Variants in EPS15L1 observed in about 807,000 individuals in gnomAD.
The protein encoded by EPS15L1 is epidermal growth factor receptor substrate 15-like 1.
A neutral mutation model predicts 117.1 loss-of-function variants in EPS15L1; 43 were observed. That is an observed-to-expected ratio of 0.37 (90% CI 0.29 to 0.47). EPS15L1 has a LOEUF of 0.47. Ranked by LOEUF, EPS15L1 falls within the 20% of genes least tolerant of loss-of-function variation. EPS15L1 has a pLI of 0.99. For missense variants in EPS15L1, 981 were observed against 1,164.0 expected (o/e 0.84, Z 2.29); for synonymous variants, 459 against 470.5 (o/e 0.98, Z 0.32).
chr19:16,420,125 G>A (rs1418077912), intron 10 of EPS15L1, among the ~76,000 whole-genome samples: 2 of 152,210 alleles, frequency 1.3e-5, no homozygotes, highest in East Asian at 1.9e-4. Context: ...CCAGCCACTC[G>A]CAGACACATC....
At chr19:16,401,496 G>C in intron 16 of EPS15L1, 1 of 985,782 alleles carries the variant, frequency 1.0e-6, no homozygotes, top group Non-Finnish European at 1.2e-6. Context: ...GCTGCTGGAG[G>C]CAGCAGAGCA....
At chr19:16,441,422 A>T in intron 3 of EPS15L1, 1 of 185,562 alleles carries the variant, frequency 5.4e-6, no homozygotes, top group South Asian at 9.6e-5. Context: ...CAGTGAGCTG[A>T]GATCACGCTA....
chr19:16,423,174 G>C (rs2092834787), intron 9 of EPS15L1, among the ~76,000 whole-genome samples: 1 of 152,174 alleles, frequency 6.6e-6, no homozygotes, highest in Non-Finnish European at 1.5e-5. Context: ...TGGGAAACAA[G>C]GGATACCATG....
Position 16,440,870 on chromosome 19 carries a change from C to G in EPS15L1, c.205G>C (p.Asp69His). The G allele has an allele frequency of 6.2e-7, 1 of 1,614,124 alleles. No homozygotes were observed. The highest frequency in any genetic ancestry group is 8.5e-7 in the Non-Finnish European group (1 of 1,180,010). ...LADPEGKGFL[D>H]KQGFYVALRL... The stretch of plus-strand genomic sequence containing the variant: ...TGTACATGTGTATATACCTGTTTGT[C>G]CAAGAACCCTTTACCTTCTGGATCG... Residue 69 changes from aspartate (D) to histidine (H), a missense_variant, in exon 4 of 24, where the codon GAC (aspartate) becomes CAC (histidine). Transcript: ENST00000455140.
chr19:16,439,326 TA>T (rs2145061788), intron 4 of EPS15L1, among the ~76,000 whole-genome samples: 1 of 152,100 alleles, frequency 6.6e-6, no homozygotes, highest in South Asian at 2.1e-4. Context: ...AAAAAGGAAT[TA>T]AGTAAGTTTA....
chr19:16,427,052 T>C (rs1207525824), intron 8 of EPS15L1, among the ~76,000 whole-genome samples: 1 of 152,028 alleles, frequency 6.6e-6, no homozygotes, highest in Non-Finnish European at 1.5e-5. Flanking sequence ...CAGGAAAACT[T>C]CGTGCAGCAG....
chr19:16,403,818 T>G lies in EPS15L1; in HGVS notation c.1541A>C (p.Gln514Pro), dbSNP rs1250956964. 1 of 1,614,160 alleles carries G rather than the reference T, an allele frequency of 6.2e-7. No homozygotes were observed. The highest frequency in any genetic ancestry group is 1.7e-5 in the Admixed American group (1 of 60,028). Residue 514 changes from glutamine (Q) to proline (P), a missense_variant, in exon 15 of 24, where the codon CAG (glutamine) becomes CCG (proline). Around this residue, in one of 5 missense-constraint regions of EPS15L1, gnomAD observed 819 missense variants for 949.0 expected, o/e 0.86. Transcript: ENST00000455140. ...ELNRLQQEET[Q>P]LEQSIQAGRV... ...CCCAGCCTGAATGCTCTGCTCCAGCTGGGTTTCCTCCTGCTGCAATCGGTT... is the reference window on the plus strand; with the variant it reads ...CCCAGCCTGAATGCTCTGCTCCAGCGGGGTTTCCTCCTGCTGCAATCGGTT...
intron 19 of EPS15L1, among the ~76,000 whole-genome samples, chr19:16,391,898 G>A (rs992937207): frequency 2.0e-5 from 3 of 152,062 alleles, no homozygotes; most frequent in African/African-American, 4.8e-5. Context: ...TACAAGGACC[G>A]TGCAGGGTGG....
At chr19:16,429,876 C>T (rs1364799088) in intron 7 of EPS15L1, among the ~76,000 whole-genome samples, 1 of 152,256 alleles carries the variant, frequency 6.6e-6, no homozygotes, top group Non-Finnish European at 1.5e-5. Context: ...GCACTACTGC[C>T]TGTTAGGGCT....
rs2092722828 is a variant in EPS15L1, at chr19:16,413,055, T to G, written c.1266+718A>C. Reference sequence around the variant, plus strand: ...GCAGAAACAGACCCGCGCCGGCCAGTGCACCAGGTTCAAGGCGTTTGTTGC... The same window carrying G: ...GCAGAAACAGACCCGCGCCGGCCAGGGCACCAGGTTCAAGGCGTTTGTTGC... On this transcript the variant is annotated intron_variant, in intron 13 of 23. Transcript: ENST00000455140. The G allele has an allele frequency of 4.1e-6, 3 of 725,244 alleles. No homozygotes were observed. In the South Asian group the frequency reaches 4.3e-5, roughly 10 times the overall value. The allele number at this position is 725,244 out of a possible 1,614,324, so 44.9% of individuals were successfully genotyped here.
At chr19:16,437,272 A>G (rs1599648380) in intron 5 of EPS15L1, among the ~76,000 whole-genome samples, 1 of 152,232 alleles carries the variant, frequency 6.6e-6, no homozygotes, top group East Asian at 1.9e-4. Context: ...CCACATGTCC[A>G]GAGAGATGAA....
intron 22 of EPS15L1, among the ~76,000 whole-genome samples, chr19:16,368,368 CAGG>C (rs2092169219): frequency 6.6e-6 from 1 of 152,212 alleles, no homozygotes; most frequent in African/African-American, 2.4e-5. Flanking sequence ...TCCTACACAA[CAGG>C]AGATGGCTAC....
At chr19:16,360,607 C>T (rs144985965) in intron 23 of EPS15L1, among the ~76,000 whole-genome samples, 4 of 151,910 alleles carry the variant, frequency 2.6e-5, no homozygotes, top group South Asian at 2.1e-4. Flanking sequence ...ATTAGCCTTG[C>T]GTGGTGTTGC....
chr19:16,469,678 G>T (rs2093331935), intron 1 of EPS15L1, among the ~76,000 whole-genome samples: 1 of 152,144 alleles, frequency 6.6e-6, no homozygotes, highest in Admixed American at 6.6e-5. Flanking sequence ...GAAAAGTGCA[G>T]ACAGGAGTGG....
At chr19:16,416,219 T>C (rs934008536) in intron 12 of EPS15L1, among the ~76,000 whole-genome samples, 8 of 151,986 alleles carry the variant, frequency 5.3e-5, no homozygotes, top group Admixed American at 1.3e-4. Context: ...CCTGGGAAAG[T>C]CAAAGCCCTT....
intron 22 of EPS15L1, among the ~76,000 whole-genome samples, chr19:16,364,615 G>C (rs1046891765): frequency 2.6e-5 from 4 of 152,224 alleles, no homozygotes; most frequent in Non-Finnish European, 5.9e-5. Context: ...CCAGGCATGA[G>C]CCAATGGTAA....
At chr19:16,429,368 A>G (rs1007652406) in intron 7 of EPS15L1, among the ~76,000 whole-genome samples, 1 of 152,184 alleles carries the variant, frequency 6.6e-6, no homozygotes. Flanking sequence ...GCCTTCCTGG[A>G]TGGGCACACT....
At chr19:16,400,682 G>C in intron 16 of EPS15L1, 2 of 985,320 alleles carry the variant, frequency 2.0e-6, no homozygotes, top group Non-Finnish European at 2.4e-6. Context: ...TTTTTCTTTC[G>C]GATGCCAGTT....
rs2092210422 is a variant in EPS15L1 at position 16,370,662 on chromosome 19, G to T, written c.2380+6460C>A. On this transcript the variant is annotated intron_variant, in intron 22 of 23. Transcript: ENST00000455140. This position sits in a 1 kb window ranked among gnomAD's most constrained non-coding sequence, Gnocchi z 5.2. ...AAATGCTTCTATTTTCAAACTCAGT[G>T]GTCTTTACAGAACAGAAAGTGCTCC... is the stretch of plus-strand genomic sequence containing the variant. Among the ~76,000 whole-genome samples, 1 of 152,192 alleles carries T rather than the reference G, an allele frequency of 6.6e-6. No individual in the cohort carries two copies. Among genetic ancestry groups the T allele is most frequent in the Admixed American group, 6.5e-5 (1 of 15,284 alleles).
Sources: gnomAD v4.1 joint callset for allele counts (sites outside exome capture counted in the v4.1 genomes callset) on GRCh38, gnomAD v4.1.1 for gene constraint, gnomAD v4.1.1 regional missense constraint, Gnocchi (gnomAD v3.1) non-coding constraint, MANE v1.5 for transcripts, NCBI Gene and HGNC (gene_info 2026-07-23, HGNC 2026-07-21) for gene names.